The following NFIL3 variants were observed in gnomAD, a reference collection of about 807,000 sequenced individuals.
NFIL3 encodes the protein nuclear factor interleukin-3-regulated protein.
Under a neutral mutation model 10.0 loss-of-function variants are expected in NFIL3, and 5 were observed. The ratio of observed to expected loss-of-function variants is 0.50; its 90% confidence interval spans 0.26 to 1.06. NFIL3 has a LOEUF of 1.06. Among genes scored for constraint, NFIL3 ranks in the 50% least tolerant of loss-of-function variants. NFIL3 has a pLI of 0.13. For missense variants in NFIL3, 436 were observed against 547.6 expected, an observed-to-expected ratio of 0.80 and a Z score of 2.03; for synonymous variants, 202 against 206.5, an observed-to-expected ratio of 0.98 and a Z score of 0.19.
Position 91,410,133 on chromosome 9 carries a change from T to C in NFIL3, c.602A>G (p.Glu201Gly). 1 of 1,614,188 alleles carries C rather than the reference T, an allele frequency of 6.2e-7. No individual in the cohort carries two copies. The highest frequency in any genetic ancestry group is 8.5e-7 in the Non-Finnish European group (1 of 1,180,040). The change falls in exon 2 of 2, where the codon GAG becomes GGG. Residue 201 changes from glutamate (E) to glycine (G), a missense_variant. By Grantham distance (98) the Glu-to-Gly change is moderately conservative. This residue lies in a region of NFIL3 where 338 missense variants were observed against 399.9 expected (regional missense o/e 0.85). Coordinates refer to ENST00000297689, the MANE Select transcript of NFIL3 (RefSeq NM_005384.3). This position sits in a 1 kb window ranked among gnomAD's most constrained non-coding sequence, Gnocchi z 5.7. ...SEVSSVEHTQ[E>G]SSVQGSCRSP... Reference sequence around the variant, plus strand: ...TCTGCAGCTTCCCTGCACAGAGCTCTCCTGCGTGTGTTCTACTGAGGACAC... The same window carrying C: ...TCTGCAGCTTCCCTGCACAGAGCTCCCCTGCGTGTGTTCTACTGAGGACAC...
the NFIL3 span, among the ~76,000 whole-genome samples, chr9:91,473,673 G>A: frequency 6.6e-6 from 1 of 152,318 alleles, no homozygotes; most frequent in East Asian, 1.9e-4. Flanking sequence ...CCTGGGTAAG[G>A]CAACGCCCTG....
chr9:91,446,194 C>G, the NFIL3 span, among the ~76,000 whole-genome samples: 4 of 152,128 alleles, frequency 2.6e-5, no homozygotes, highest in African/African-American at 9.7e-5. Flanking sequence ...TTCAGGAGTC[C>G]TCTTGCTTAC....
the NFIL3 span, among the ~76,000 whole-genome samples, chr9:91,482,546 C>T: frequency 6.6e-6 from 1 of 152,074 alleles, no homozygotes; most frequent in African/African-American, 2.4e-5. Context: ...GTCGCCCAGG[C>T]TGGAGTGCAG....
intron 1 of NFIL3, among the ~76,000 whole-genome samples, chr9:91,421,608 G>A (rs1198079365): frequency 1.3e-5 from 2 of 152,082 alleles, no homozygotes; most frequent in African/African-American, 4.8e-5. Flanking sequence ...AGGGAGCGGC[G>A]CACTGGGGGC....
chr9:91,454,178 G>A, the NFIL3 span, among the ~76,000 whole-genome samples: 6 of 149,334 alleles, frequency 4.0e-5, no homozygotes, highest in South Asian at 2.1e-4. Flanking sequence ...AGGTTGCAGC[G>A]AGCCAAGATG....
chr9:91,409,386 A>G lies in NFIL3; in HGVS notation c.1349T>C (p.Leu450Pro). The change falls in exon 2 of 2, where the codon CTT becomes CCT. Residue 450 changes from leucine to proline, a missense_variant. Leu to Pro is a moderately conservative substitution (Grantham distance 98). Transcript: ENST00000297689. Reference protein sequence around the residue: ...LSAEVVSLKRLIATQPISASD... With the variant: ...LSAEVVSLKRPIATQPISASD... ...AGCAGAGATTGGTTGTGTGGCTATAAGTCTCTTGAGTGAGACAACCTCTGC... is the reference window on the plus strand; with the variant it reads ...AGCAGAGATTGGTTGTGTGGCTATAGGTCTCTTGAGTGAGACAACCTCTGC... 4 of 1,602,810 alleles carry G rather than the reference A, an allele frequency of 2.5e-6. 1 individual carries two copies. The South Asian group carries it at 4.5e-5, about 18-fold the overall frequency.
chr9:91,410,646 G>A lies in NFIL3; in HGVS notation c.89C>T (p.Ser30Phe). The A allele has an allele frequency of 6.2e-7, 1 of 1,614,190 alleles. No homozygotes were observed. The highest frequency in any genetic ancestry group is 8.5e-7 in the Non-Finnish European group (1 of 1,180,034). The change falls in exon 2 of 2, where the codon TCT (serine) becomes TTT (phenylalanine). Residue 30 changes from serine to phenylalanine, a missense_variant. Ser to Phe is a radical substitution (Grantham distance 155). Coordinates refer to ENST00000297689, the MANE Select transcript of NFIL3 (RefSeq NM_005384.3). This position sits in a 1 kb window ranked among gnomAD's most constrained non-coding sequence, Gnocchi z 5.7. ...GTCTTCTGACACTTCCGTTAAAGCAGAATTAAGGACCATCATCTTGTCCAC... is the reference window on the plus strand; with the variant it reads ...GTCTTCTGACACTTCCGTTAAAGCAAAATTAAGGACCATCATCTTGTCCAC... Reference protein sequence around the residue: ...SNVDKMMVLNSALTEVSEDST... With the variant: ...SNVDKMMVLNFALTEVSEDST...
the NFIL3 span, among the ~76,000 whole-genome samples, chr9:91,471,340 C>T: frequency 8.4e-5 from 12 of 143,628 alleles, no homozygotes; most frequent in South Asian, 1.5e-3. Flanking sequence ...GCAACCCCTG[C>T]TTTTTTTTTT....
the NFIL3 span, among the ~76,000 whole-genome samples, chr9:91,465,034 T>G: frequency 6.6e-6 from 1 of 152,148 alleles, no homozygotes; most frequent in Non-Finnish European, 1.5e-5. Flanking sequence ...CTATTTGTCT[T>G]TGGTTTTCTA....
chr9:91,423,321 T>C (rs543516110), intron 1 of NFIL3, among the ~76,000 whole-genome samples: 4 of 152,286 alleles, frequency 2.6e-5, no homozygotes, highest in Non-Finnish European at 4.4e-5. Context: ...CGCTCTTCTT[T>C]ACCAAAACAT....
chr9:91,480,694 C>A, the NFIL3 span, among the ~76,000 whole-genome samples: 1 of 152,150 alleles, frequency 6.6e-6, no homozygotes, highest in Admixed American at 6.5e-5. Flanking sequence ...GGTCTGACTA[C>A]ACAAAAATTG....
At chr9:91,429,772 C>T in the NFIL3 span, among the ~76,000 whole-genome samples, 1 of 151,894 alleles carries the variant, frequency 6.6e-6, no homozygotes, top group African/African-American at 2.4e-5. Context: ...TTTGTGAGTC[C>T]GCATACTGGC....
upstream of NFIL3, chr9:91,423,949 G>A (rs1438005772): frequency 6.9e-6 from 1 of 145,306 alleles, no homozygotes; most frequent in Non-Finnish European, 1.5e-5. Flanking sequence ...AATGGCCGCG[G>A]CCGGCAGGGG....
chr9:91,456,726 G>A, the NFIL3 span, among the ~76,000 whole-genome samples: 5 of 151,990 alleles, frequency 3.3e-5, no homozygotes, highest in African/African-American at 1.2e-4. Context: ...AACTTTTTCT[G>A]AATTAATTTT....
Position 91,410,055 on chromosome 9 carries a change from C to T in NFIL3, c.680G>A (p.Ser227Asn). The T allele has an allele frequency of 6.2e-7, 1 of 1,612,762 alleles. No individual in the cohort carries two copies. Among genetic ancestry groups the T allele is most frequent in the Non-Finnish European group, 8.5e-7 (1 of 1,179,898 alleles). ...IIKQEPMELE[S>N]YTREPRDDRG... ...GTCATCTCTTGGCTCCCTTGTGTAG[C>T]TCTCTAATTCCATCGGCTCTTGCTT... The change falls in exon 2 of 2, where the codon AGC (serine) becomes AAC (asparagine). Residue 227 changes from serine (S) to asparagine (N), a missense_variant. Ser to Asn is a conservative substitution (Grantham distance 46). Transcript: ENST00000297689. The surrounding 1 kb of genome is among the most constrained non-coding windows in gnomAD (Gnocchi z 5.7).
chr9:91,458,507 T>G, the NFIL3 span, among the ~76,000 whole-genome samples: 6 of 152,118 alleles, frequency 3.9e-5, no homozygotes, highest in Non-Finnish European at 7.4e-5. Context: ...TTCTTGATAT[T>G]GGGCCTTCAT....
In NFIL3 at chr9:91,409,221, GACA is replaced by G. The variant is rs1255572136; in HGVS notation, c.*122_*124del. On this transcript the variant is annotated 3_prime_UTR_variant, in exon 2 of 2. Coordinates refer to ENST00000297689, the MANE Select transcript of NFIL3 (RefSeq NM_005384.3). The stretch of plus-strand genomic sequence containing the variant: ...TCTGTGCACAAAAAGACACCAAACA[GACA>G]ACATGTGCACATCACAGTGAAATGA... The G allele has an allele frequency of 2.3e-6, 2 of 885,124 alleles. No homozygotes were observed. Among genetic ancestry groups the G allele is most frequent in the African/African-American group, 3.4e-5 (2 of 59,558 alleles). 54.8% of individuals were successfully genotyped at this position (885,124 alleles called of 1,614,324 possible).
upstream of NFIL3, among the ~76,000 whole-genome samples, chr9:91,424,656 GC>G (rs1322734887): frequency 3.3e-5 from 5 of 152,344 alleles, no homozygotes; most frequent in African/African-American, 4.8e-5. Flanking sequence ...CAAAGTTGTT[GC>G]GTAACACGAC....
the NFIL3 span, among the ~76,000 whole-genome samples, chr9:91,460,288 T>TTTTTTTTTTTG: frequency 7.3e-6 from 1 of 137,314 alleles, no homozygotes; most frequent in Non-Finnish European, 1.5e-5. Flanking sequence ...TTTTTTTTTT[T>TTTTTTTTTTTG]TTTTGAGATG....
Sources: gnomAD v4.1 joint callset for allele counts (sites outside exome capture counted in the v4.1 genomes callset) on GRCh38, gnomAD v4.1.1 for gene constraint, gnomAD v4.1.1 regional missense constraint, Gnocchi (gnomAD v3.1) non-coding constraint, MANE v1.5 for transcripts, NCBI Gene and HGNC (gene_info 2026-07-23, HGNC 2026-07-21) for gene names.